PRSS57: variants seen among roughly 807,000 people sequenced by gnomAD.
PRSS57 encodes serine protease 57, also known as neutrophil serine protease 4.
PRSS57 carries 19 observed loss-of-function variants against 20.6 expected under a neutral mutation model. That is an observed-to-expected ratio of 0.92 (90% CI 0.64 to 1.35). The LOEUF is 1.35. PRSS57 is among the 40% of genes most tolerant of loss of function. PRSS57 has a pLI of 0.00. For synonymous variants in PRSS57, 203 were observed against 176.6 expected, an observed-to-expected ratio of 1.15 and a Z score of -1.19; for missense variants, 440 against 403.7, an observed-to-expected ratio of 1.09 and a Z score of -0.77.
chr19:690,510 G>T (rs10417261), intron 3 of PRSS57: 150,907 of 221,188 alleles, frequency 0.68, 53,111 homozygotes, highest in Non-Finnish European at 0.73. Flanking sequence ...AAGCTGGGCC[G>T]CCTGGTCAAG....
chr19:686,872 T>G, intron 4 of PRSS57, 53 bp downstream of exon 4: 1 of 1,572,894 alleles, frequency 6.4e-7, no homozygotes. Context: ...ACCCTCTCTG[T>G]GGGCCTTGGT....
At chr19:685,969 A>T in intron 4 of PRSS57, 47 bp from the exon 5 acceptor site, 1 of 1,477,488 alleles carries the variant, frequency 6.8e-7, no homozygotes, top group Non-Finnish European at 9.1e-7. Context: ...GAGCTGCTGC[A>T]GGCACATCTC....
chr19:690,779 G>C, intron 3 of PRSS57: 1 of 349,412 alleles, frequency 2.9e-6, no homozygotes, highest in Non-Finnish European at 5.5e-6. Context: ...CGTCATCCTG[G>C]CCAAGCTCTC....
chr19:689,940 C>G (rs1361794745), intron 3 of PRSS57, among the ~76,000 whole-genome samples: 1 of 151,986 alleles, frequency 6.6e-6, no homozygotes, highest in African/African-American at 2.4e-5. Flanking sequence ...GTGATCCCAG[C>G]TACTCGGGAG....
chr19:687,186 C>T lies in PRSS57; in HGVS notation c.381G>A (p.Leu127=). The T allele has an allele frequency of 6.5e-7, 1 of 1,533,354 alleles. No homozygotes were observed. Among genetic ancestry groups the T allele is most frequent in the Non-Finnish European group, 8.8e-7 (1 of 1,138,500 alleles). 95.0% of individuals were successfully genotyped at this position (1,533,354 alleles called of 1,614,324 possible). Reference sequence around the variant, plus strand: ...CAGGGCCCAGGACAGCAGAGCCGTTCAGCTGCAGGGAGAGCATGAGTTCAG... The same window carrying T: ...CAGGGCCCAGGACAGCAGAGCCGTTTAGCTGCAGGGAGAGCATGAGTTCAG... ...THANDICLLR[L]NGSAVLGPAV... The change falls in exon 4 of 5, where the codon CTG becomes CTA. Residue 127 remains leucine, a splice_region_variant and synonymous_variant. Transcript: ENST00000329267.
chr19:687,402 G>T (rs2031512953), intron 3 of PRSS57, among the ~76,000 whole-genome samples: 1 of 152,098 alleles, frequency 6.6e-6, no homozygotes, highest in South Asian at 2.1e-4. Context: ...GGGTCTTTCT[G>T]TTCTGTTCTT....
At chr19:688,975 CTT>C (rs1377918837) in intron 3 of PRSS57, among the ~76,000 whole-genome samples, 1 of 152,142 alleles carries the variant, frequency 6.6e-6, no homozygotes, top group Non-Finnish European at 1.5e-5. Context: ...TCAGCATAAA[CTT>C]TGAGCGCCTG....
intron 3 of PRSS57, among the ~76,000 whole-genome samples, chr19:691,574 C>T (rs1030872680): frequency 6.6e-5 from 10 of 151,574 alleles, no homozygotes; most frequent in South Asian, 4.2e-4. Flanking sequence ...AATCCCAGCC[C>T]TTTGGGAGGC....
rs370334335 is a variant in PRSS57 at position 686,904 on chromosome 19, G to A, written c.642+21C>T. ...TGGTTTCCCCACACAGTAAGTGGGT[G>A]GAGCAGGGAGGGGATCTTACCGAGC... On this transcript the variant is annotated intron_variant, in intron 4 of 4. Coordinates refer to ENST00000329267, the MANE Select transcript of PRSS57 (RefSeq NM_001308209.2). 4 of 1,605,924 alleles carry A rather than the reference G, an allele frequency of 2.5e-6. No individual in the cohort carries two copies. The African/African-American group carries it at 4.0e-5, about 16-fold the overall frequency.
In PRSS57 at chr19:694,934, TC is replaced by T; in HGVS notation, c.112del (p.Glu38ArgfsTer2). ...GTAGGGCCTGGAGTGGGGGGTCACC[TC>T]GTGGCCCCCGATGATCTGGGCCCCC... ...SWGAQIIGGHEVTPHSRPYMA... is the reference protein window; with the variant it reads ...SWGAQIIGGHXVTPHSRPYMA... On this transcript the variant is annotated frameshift_variant, in exon 2 of 5. Coordinates refer to ENST00000329267, the MANE Select transcript of PRSS57 (RefSeq NM_001308209.2). LOFTEE classifies it high-confidence loss of function. 1 of 1,578,336 alleles carries T rather than the reference TC, an allele frequency of 6.3e-7. No homozygotes were observed. Among genetic ancestry groups the T allele is most frequent in the East Asian group, 2.3e-5 (1 of 43,304 alleles).
intron 4 of PRSS57, among the ~76,000 whole-genome samples, chr19:686,507 C>T (rs1340429713): frequency 6.6e-6 from 1 of 152,126 alleles, no homozygotes; most frequent in Non-Finnish European, 1.5e-5. Flanking sequence ...AGTGGACAGT[C>T]TCATTTCTCC....
chr19:686,286 T>C lies in PRSS57; in HGVS notation c.643-364A>G, dbSNP rs183523935. Among the ~76,000 whole-genome samples, 967 of 152,136 alleles carry C rather than the reference T, an allele frequency of 6.4e-3. 7 individuals are homozygous for C. The highest frequency in any genetic ancestry group is 0.022 in the African/African-American group (913 of 41,502). Reference sequence around the variant, plus strand: ...TGCCTTGCGTGTGTTTCCTCAGATCTTCTAAGGATTCCTTCAAGTCTCAGC... The same window carrying C: ...TGCCTTGCGTGTGTTTCCTCAGATCCTCTAAGGATTCCTTCAAGTCTCAGC... On this transcript the variant is annotated intron_variant, in intron 4 of 4. Coordinates refer to ENST00000329267, the MANE Select transcript of PRSS57 (RefSeq NM_001308209.2).
intron 2 of PRSS57, among the ~76,000 whole-genome samples, chr19:693,191 A>G (rs1394400960): frequency 6.7e-6 from 1 of 149,286 alleles, no homozygotes; most frequent in Non-Finnish European, 1.5e-5. Flanking sequence ...TCGGCCTCCC[A>G]AAGTGCCGGG....
At chr19:693,347 C>A (rs756863643) in intron 2 of PRSS57, among the ~76,000 whole-genome samples, 2 of 150,896 alleles carry the variant, frequency 1.3e-5, no homozygotes, top group African/African-American at 4.9e-5. Flanking sequence ...CCCACAGCAG[C>A]CTTTCAAGTA....
In PRSS57 at chr19:695,021, G is replaced by A. The variant is rs557768818; in HGVS notation, c.80-54C>T. ...CGAGGCGGGAGGAACGGATGACGGG[G>A]CTGGGGTCAGGGCAGGGGGAGAAGT... is the stretch of plus-strand genomic sequence containing the variant. On this transcript the variant is annotated intron_variant, in intron 1 of 4. Transcript: ENST00000329267. The A allele has an allele frequency of 3.4e-5, 50 of 1,462,496 alleles. No homozygotes were observed. In the South Asian group the frequency reaches 6.5e-4, roughly 19 times the overall value. The allele number at this position is 1,462,496 out of a possible 1,614,324, so 90.6% of individuals were successfully genotyped here.
At chr19:694,436 T>C (rs993182906) in intron 2 of PRSS57, among the ~76,000 whole-genome samples, 7 of 151,214 alleles carry the variant, frequency 4.6e-5, no homozygotes, top group Non-Finnish European at 8.8e-5. Context: ...GGTGTGGTGG[T>C]GGGCGCCTGT....
chr19:687,219 G>C lies in PRSS57; in HGVS notation c.379-31C>G, dbSNP rs949043549. The C allele has an allele frequency of 2.7e-6, 4 of 1,460,598 alleles. No homozygotes were observed. The African/African-American group carries it at 4.3e-5, about 16-fold the overall frequency. 90.5% of individuals were successfully genotyped at this position (1,460,598 alleles called of 1,614,324 possible). A position where few individuals can be genotyped will look rare whatever the true frequency, so the allele number is the denominator to read the frequency against. On this transcript the variant is annotated intron_variant, in intron 3 of 4. Transcript: ENST00000329267. ...GGGAGAGCATGAGTTCAGGCCACTG[G>C]GCTCCCTCCCCACCCCCGCTCCTGC...
Position 695,302 on chromosome 19 carries a change from G to A in PRSS57, c.79+50C>T, listed in dbSNP as rs761292291. The A allele has an allele frequency of 6.8e-5, 65 of 960,140 alleles. No homozygotes were observed. The East Asian group carries it at 1.3e-3, about 19-fold the overall frequency. The allele number at this position is 960,140 out of a possible 1,614,324, so 59.5% of individuals were successfully genotyped here. On this transcript the variant is annotated intron_variant, in intron 1 of 4. Transcript: ENST00000329267. ...CTGGGGGTTCCCGGGTGTGGCCCCC[G>A]TACGGGGACTTGGCGGGGGCCTGGG...
chr19:686,729 A>G (rs998182188), intron 4 of PRSS57, among the ~76,000 whole-genome samples, 196 bp downstream of exon 4: 1 of 152,168 alleles, frequency 6.6e-6, no homozygotes, highest in African/African-American at 2.4e-5. Flanking sequence ...CTCTTTGTGC[A>G]GTGCGCAACC....
Sources: gnomAD v4.1 joint callset for allele counts (sites outside exome capture counted in the v4.1 genomes callset) on GRCh38, gnomAD v4.1.1 for gene constraint, MANE v1.5 for transcripts, NCBI Gene and HGNC (gene_info 2026-07-23, HGNC 2026-07-21) for gene names.